The following LRRC3B variants were observed in gnomAD, a reference collection of about 807,000 sequenced individuals.
LRRC3B encodes leucine-rich repeat-containing protein 3B.
In LRRC3B, 2 loss-of-function variants were observed where a neutral mutation model predicts 12.8. The observed-to-expected ratio is 0.16, with a 90% confidence interval of 0.06 to 0.49. The LOEUF is 0.49. LRRC3B is among the 20% of genes least tolerant of loss of function. The probability of loss-of-function intolerance (pLI) is 0.96; values close to 1 mark genes in which losing one functional copy is unlikely to be tolerated. For missense variants in LRRC3B, 189 were observed against 319.4 expected, an observed-to-expected ratio of 0.59 and a Z score of 3.11; for synonymous variants, 132 against 122.0, an observed-to-expected ratio of 1.08 and a Z score of -0.54.
At chr3:26,701,120 A>G (rs1700442612) in intron 1 of LRRC3B, 1 of 152,194 alleles carries the variant, frequency 6.6e-6, no homozygotes, top group South Asian at 2.1e-4. Flanking sequence ...AATTTAAACC[A>G]AAATAAAAAT....
At chr3:26,691,099 G>A (rs1320751756) in intron 1 of LRRC3B, among the ~76,000 whole-genome samples, 41 of 47,680 alleles carry the variant, frequency 8.6e-4, no homozygotes, top group East Asian at 6.8e-3. Flanking sequence ...ATATGTGTGT[G>A]TGTGTGTATA....
intron 1 of LRRC3B, among the ~76,000 whole-genome samples, chr3:26,656,250 C>T (rs1010874992): frequency 3.3e-5 from 5 of 152,132 alleles, no homozygotes; most frequent in African/African-American, 1.2e-4. Context: ...CAGCGAAGAT[C>T]GTCTAATCAC....
chr3:26,671,085 G>A (rs1444892738), intron 1 of LRRC3B, among the ~76,000 whole-genome samples: 1 of 126,610 alleles, frequency 7.9e-6, no homozygotes, highest in Non-Finnish European at 1.6e-5. Context: ...GCGGGATCTC[G>A]GCTCACTGCA....
chr3:26,681,371 A>C (rs1699966660), intron 1 of LRRC3B, among the ~76,000 whole-genome samples: 2 of 152,236 alleles, frequency 1.3e-5, no homozygotes, highest in Admixed American at 1.3e-4. Context: ...TTAGTAGCAC[A>C]TGCAACCTCT....
intron 1 of LRRC3B, among the ~76,000 whole-genome samples, chr3:26,654,385 C>G (rs1478030972): frequency 6.6e-6 from 1 of 152,090 alleles, no homozygotes; most frequent in Non-Finnish European, 1.5e-5. Context: ...CCAGATTGCA[C>G]TATATATAAA....
At chr3:26,650,443 TGAAGAG>T in intron 1 of LRRC3B, among the ~76,000 whole-genome samples, 1 of 152,134 alleles carries the variant, frequency 6.6e-6, no homozygotes, top group Non-Finnish European at 1.5e-5. Context: ...GATCTGGAAA[TGAAGAG>T]AAAGGGGTCA....
chr3:26,664,919 C>T (rs1699568042), intron 1 of LRRC3B, among the ~76,000 whole-genome samples: 1 of 150,638 alleles, frequency 6.6e-6, no homozygotes, highest in Admixed American at 6.7e-5. Flanking sequence ...TTTGATGGGC[C>T]CCTCTTCTAT....
chr3:26,663,725 T>C (rs1031461542), intron 1 of LRRC3B, among the ~76,000 whole-genome samples: 3 of 152,168 alleles, frequency 2.0e-5, no homozygotes, highest in African/African-American at 4.8e-5. Flanking sequence ...ACTAAGTTAA[T>C]TGTATCACTC....
rs149155820 is a variant in LRRC3B at position 26,680,103 on chromosome 3, G to A, written c.-160-29410G>A. On this transcript the variant is annotated intron_variant, in intron 1 of 1. Transcript: ENST00000396641. Reference sequence around the variant, plus strand: ...TTCTGACACAGTAGGTCTGAGACAGGGCTTAAAATTCAGTATTTCTAGGAC... The same window carrying A: ...TTCTGACACAGTAGGTCTGAGACAGAGCTTAAAATTCAGTATTTCTAGGAC... 1.4e-4 allele frequency among the ~76,000 whole-genome samples: 21 copies of A among 152,230 alleles called. No homozygotes were observed. The East Asian group carries it at 3.9e-3, about 28-fold the overall frequency.
chr3:26,671,645 G>A (rs1699751483), intron 1 of LRRC3B, among the ~76,000 whole-genome samples: 1 of 151,448 alleles, frequency 6.6e-6, no homozygotes, highest in African/African-American at 2.4e-5. Context: ...CGCCCGCCTT[G>A]GCCTCCCAAA....
At chr3:26,691,079 G>A (rs1234660921) in intron 1 of LRRC3B, among the ~76,000 whole-genome samples, 3 of 126,652 alleles carry the variant, frequency 2.4e-5, no homozygotes, top group African/African-American at 9.1e-5. Context: ...ATATGTATAT[G>A]TGTGTGTGTA....
At chr3:26,686,833 CCT>C (rs57225150) in intron 1 of LRRC3B, among the ~76,000 whole-genome samples, 32,264 of 152,028 alleles carry the variant, frequency 0.21, 3,710 homozygotes, top group Admixed American at 0.3. Flanking sequence ...CCTCAGCCAA[CCT>C]CTCAGCCAGC....
At chr3:26,630,214 C>A (rs1390400302) in intron 1 of LRRC3B, among the ~76,000 whole-genome samples, 4 of 152,148 alleles carry the variant, frequency 2.6e-5, no homozygotes, top group Non-Finnish European at 5.9e-5. Flanking sequence ...GGCAGCCTAG[C>A]TCCCCAGCCA....
chr3:26,635,431 G>C (rs1385160407), intron 1 of LRRC3B, among the ~76,000 whole-genome samples: 2 of 152,200 alleles, frequency 1.3e-5, no homozygotes, highest in African/African-American at 4.8e-5. Flanking sequence ...AAGTCATGAA[G>C]GTGGGGTCCT....
intron 1 of LRRC3B, among the ~76,000 whole-genome samples, chr3:26,689,807 C>T (rs564250194): frequency 9.2e-5 from 14 of 152,358 alleles, no homozygotes; most frequent in Admixed American, 5.9e-4. Flanking sequence ...GGCAGCTCTG[C>T]GGATGCCCAC....
At chr3:26,684,394 T>G (rs1220769592) in intron 1 of LRRC3B, among the ~76,000 whole-genome samples, 1 of 152,238 alleles carries the variant, frequency 6.6e-6, no homozygotes, top group Non-Finnish European at 1.5e-5. Flanking sequence ...GCTGCATCTG[T>G]GCTTACTCTT....
intron 1 of LRRC3B, among the ~76,000 whole-genome samples, chr3:26,660,642 C>T (rs890292055): frequency 3.9e-5 from 6 of 152,030 alleles, no homozygotes; most frequent in Admixed American, 3.3e-4. Context: ...TGCTTGCTTT[C>T]CCTGGTATTG....
chr3:26,703,124 C>T (rs1399236875), intron 1 of LRRC3B, among the ~76,000 whole-genome samples: 2 of 152,072 alleles, frequency 1.3e-5, no homozygotes, highest in Non-Finnish European at 2.9e-5. Flanking sequence ...TGAATTAGCC[C>T]TGTCCCAACT....
intron 1 of LRRC3B, among the ~76,000 whole-genome samples, chr3:26,644,322 C>T (rs1478935638): frequency 6.6e-6 from 1 of 152,184 alleles, no homozygotes; most frequent in African/African-American, 2.4e-5. Context: ...GCAGGTAATA[C>T]CCAGTACCTA....
Sources: allele counts gnomAD v4.1 joint callset (sites outside exome capture counted in the v4.1 genomes callset), GRCh38; gene constraint gnomAD v4.1.1; transcripts MANE v1.5; gene names NCBI Gene and HGNC (gene_info 2026-07-23, HGNC 2026-07-21).